The following RIC8A variants were observed in gnomAD, a reference collection of about 807,000 sequenced individuals.
The protein encoded by RIC8A is chaperone Ric-8A.
Under a neutral mutation model 48.4 loss-of-function variants are expected in RIC8A, and 37 were observed. The observed-to-expected ratio is 0.77, with a 90% CI of 0.59 to 1.01. The LOEUF (loss-of-function observed/expected upper bound fraction) is 1.01, where lower values mean the gene tolerates loss of function less well. Among genes scored for constraint, RIC8A ranks in the 50% least tolerant of loss-of-function variants. RIC8A has a pLI of 0.00. For missense variants in RIC8A, 681 were observed against 696.8 expected, an observed-to-expected ratio of 0.98 and a Z score of 0.25; for synonymous variants, 288 against 283.4, an observed-to-expected ratio of 1.02 and a Z score of -0.16.
At position 212,449 on chromosome 11, in the gene RIC8A, C is replaced by T. The variant is rs201893561; in HGVS notation, c.1003C>T (p.Leu335=). 33 of 1,613,986 alleles carry T rather than the reference C, an allele frequency of 2.0e-5. No individual in the cohort carries two copies. In the East Asian group the frequency reaches 7.1e-4, roughly 35 times the overall value. ...HRLKESVAPV[L]SVLTECARMH... ...GCTGAAGGAGAGTGTAGCTCCCGTG[C>T]TGAGCGTGCTGACTGAATGTGCCCG... The change falls in exon 6 of 10, where the codon CTG becomes TTG. Residue 335 remains leucine (L), a synonymous_variant. Transcript: ENST00000526104.
At chr11:213,549 T>A in intron 9 of RIC8A, 131 bp downstream of exon 9, 5 of 1,268,138 alleles carry the variant, frequency 3.9e-6, no homozygotes, top group Non-Finnish European at 5.4e-6. Context: ...ATTGCTCACG[T>A]TTGAAATCAC....
Position 212,893 on chromosome 11 carries a change from A to T in RIC8A, c.1267A>T (p.Arg423Trp). ...GAATGCTGCTGGCCTTCTGGCTGCC[A>T]GGGGCCTCATGGCAGGAGGCCGGCC... ...YGNAAGLLAA[R>W]GLMAGGRPEG... Residue 423 changes from arginine to tryptophan, a missense_variant, in exon 8 of 10, where the codon AGG becomes TGG. Transcript: ENST00000526104. 6.2e-7 allele frequency: 1 copy of T among 1,606,822 alleles called. No homozygotes were observed.
At chr11:214,105 C>G (rs1395954597) in intron 9 of RIC8A, 125 bp from the exon 10 acceptor site, 1 of 1,148,836 alleles carries the variant, frequency 8.7e-7, no homozygotes, top group Non-Finnish European at 1.2e-6. Flanking sequence ...AAGGTCCAAC[C>G]AGGCTTCCCC....
Position 212,990 on chromosome 11 carries a change from C to A in RIC8A, c.1355+9C>A. ...AAGGAAGCCAAAGCCAGGTGTGTAC[C>A]CCCAACACACCCTCGGGTCTCCACT... On this transcript the variant is annotated intron_variant, in intron 8 of 9. Transcript: ENST00000526104. 1.3e-6 allele frequency: 2 copies of A among 1,539,164 alleles called. No homozygotes were observed. Among genetic ancestry groups the A allele is most frequent in the South Asian group, 1.3e-5 (1 of 77,826 alleles).
chr11:208,831 C>T lies in RIC8A; in HGVS notation c.-24C>T, dbSNP rs956286889. The T allele has an allele frequency of 1.3e-6, 2 of 1,594,876 alleles. No individual in the cohort carries two copies. Among genetic ancestry groups the T allele is most frequent in the Admixed American group, 1.7e-5 (1 of 58,446 alleles). On this transcript the variant is annotated 5_prime_UTR_variant, in exon 1 of 10. Coordinates refer to ENST00000526104, the MANE Select transcript of RIC8A (RefSeq NM_001286134.2). The surrounding 1 kb of genome is among the most constrained non-coding windows in gnomAD (Gnocchi z 4.8). ...CGGCCCGGAACGGCTGAGGAAGGGCCCGTCCCGCCTTCCCCGGCGCGCCAT... is the reference window on the plus strand; with the variant it reads ...CGGCCCGGAACGGCTGAGGAAGGGCTCGTCCCGCCTTCCCCGGCGCGCCAT...
At chr11:209,057 C>A in intron 1 of RIC8A, 119 bp downstream of exon 1, 1 of 1,015,220 alleles carries the variant, frequency 9.9e-7, no homozygotes, top group Non-Finnish European at 1.5e-6. Context: ...GGGGACGCGG[C>A]GGGGTGCGGG....
At position 211,582 on chromosome 11, in the gene RIC8A, A is replaced by C; in HGVS notation, c.969+233A>C. 1 of 457,378 alleles carries C rather than the reference A, an allele frequency of 2.2e-6. No individual in the cohort carries two copies. Among genetic ancestry groups the C allele is most frequent in the Non-Finnish European group, 3.9e-6 (1 of 256,364 alleles). The allele number at this position is 457,378 out of a possible 1,614,324, so 28.3% of individuals were successfully genotyped here. On this transcript the variant is annotated intron_variant, in intron 5 of 9. Transcript: ENST00000526104. This position sits in a 1 kb window ranked among gnomAD's most constrained non-coding sequence, Gnocchi z 4.0. ...CACACTTGAAGGTTTCACTTCTTAA[A>C]TCTTTGGGGATCTTTACTGAGTGGT...
At position 214,322 on chromosome 11, in the gene RIC8A, CCTCGGACCCTGA is replaced by C. The variant is rs764530652; in HGVS notation, c.1583_1594del (p.Ser528_Asp531del). On this transcript the variant is annotated inframe_deletion, in exon 10 of 10. Coordinates refer to ENST00000526104, the MANE Select transcript of RIC8A (RefSeq NM_001286134.2). ...TGCGAGACTATGGAGCAGCAGCTCT[CCTCGGACCCTGA>C]CTCGGACCCTGACTGAGGATGGCAG... The C allele has an allele frequency of 3.4e-4, 553 of 1,610,164 alleles. 1 individual carries two copies. Among genetic ancestry groups the C allele is most frequent in the Middle Eastern group, 1.8e-3 (11 of 6,058 alleles).
chr11:208,811 C>T lies in RIC8A; in HGVS notation c.-44C>T, dbSNP rs1309139606. 19 of 1,547,920 alleles carry T rather than the reference C, an allele frequency of 1.2e-5. No homozygotes were observed. Among genetic ancestry groups the T allele is most frequent in the Non-Finnish European group, 1.6e-5 (18 of 1,137,282 alleles). On this transcript the variant is annotated 5_prime_UTR_variant, in exon 1 of 10. Transcript: ENST00000526104. The surrounding 1 kb of genome is among the most constrained non-coding windows in gnomAD (Gnocchi z 4.8). The stretch of plus-strand genomic sequence containing the variant: ...AGGGCGGGGCCGGCGAACTGCGGCC[C>T]GGAACGGCTGAGGAAGGGCCCGTCC...
intron 3 of RIC8A, 133 bp downstream of exon 3, chr11:210,133 C>A: frequency 2.5e-6 from 2 of 795,862 alleles, no homozygotes; most frequent in Non-Finnish European, 3.9e-6. Flanking sequence ...CCTGTTGGGA[C>A]AAGGCCAAGG....
At chr11:209,174 G>A in intron 1 of RIC8A, 97 bp from the exon 2 acceptor site, 1 of 1,437,964 alleles carries the variant, frequency 7.0e-7, no homozygotes. Flanking sequence ...GTTCTGAGCA[G>A]TGGCTGCTGC....
chr11:214,076 G>A (rs915079647), intron 9 of RIC8A, 154 bp from the exon 10 acceptor site: 2 of 825,584 alleles, frequency 2.4e-6, no homozygotes, highest in Non-Finnish European at 3.7e-6. Context: ...AGCAGTTAGG[G>A]TTTGGGCCCA....
Position 211,160 on chromosome 11 carries a change from A to T in RIC8A, c.819-39A>T, listed in dbSNP as rs1210470570. ...ACAAAGATTGCACCTGTGCTCAGGGATTAGCCCTGTTGAAACCCCTACCTC... is the reference window on the plus strand; with the variant it reads ...ACAAAGATTGCACCTGTGCTCAGGGTTTAGCCCTGTTGAAACCCCTACCTC... On this transcript the variant is annotated intron_variant, in intron 4 of 9. Coordinates refer to ENST00000526104, the MANE Select transcript of RIC8A (RefSeq NM_001286134.2). The surrounding 1 kb of genome is among the most constrained non-coding windows in gnomAD (Gnocchi z 4.0). The T allele has an allele frequency of 1.9e-6, 3 of 1,590,942 alleles. No individual in the cohort carries two copies. Among genetic ancestry groups the T allele is most frequent in the Non-Finnish European group, 2.6e-6 (3 of 1,167,260 alleles).
Position 209,602 on chromosome 11 carries a change from G to A in RIC8A, c.328G>A (p.Asp110Asn), listed in dbSNP as rs371064171. 5 of 1,614,078 alleles carry A rather than the reference G, an allele frequency of 3.1e-6. No individual in the cohort carries two copies. In the South Asian group the frequency reaches 5.5e-5, roughly 18 times the overall value. Residue 110 changes from aspartate (D) to asparagine (N), a missense_variant, in exon 3 of 10, where the codon GAC (aspartate) becomes AAC (asparagine). Physicochemically the swap from Asp to Asn is conservative, Grantham distance 23 (BLOSUM62 1). Transcript: ENST00000526104. The part of the protein sequence containing the change: ...VSEGSVPESA[D>N]MDVVLESLKC... ...TGAGGGGTCCGTCCCAGAGTCCGCA[G>A]ACATGGATGTTGTACTGGAGTCCCT...
At position 208,742 on chromosome 11, in the gene RIC8A, C is replaced by G. The variant is rs949798556; in HGVS notation, c.-113C>G. On this transcript the variant is annotated 5_prime_UTR_variant, in exon 1 of 10. Transcript: ENST00000526104. The surrounding 1 kb of genome is among the most constrained non-coding windows in gnomAD (Gnocchi z 4.8). Reference sequence around the variant, plus strand: ...TTAAAGCGCCACCAGACGCCGCGCCCCGTCCCGGCCTCCCCCGCGCGCTGG... The same window carrying G: ...TTAAAGCGCCACCAGACGCCGCGCCGCGTCCCGGCCTCCCCCGCGCGCTGG... 7.0e-6 allele frequency: 5 copies of G among 716,722 alleles called. No individual in the cohort carries two copies. Among genetic ancestry groups the G allele is most frequent in the African/African-American group, 5.8e-5 (3 of 52,154 alleles). 44.4% of individuals were successfully genotyped at this position (716,722 alleles called of 1,614,324 possible). A position where few individuals can be genotyped will look rare whatever the true frequency, so the allele number is the denominator to read the frequency against.
intron 1 of RIC8A, 88 bp downstream of exon 1, chr11:209,026 G>T: frequency 8.0e-7 from 1 of 1,249,714 alleles, no homozygotes; most frequent in Non-Finnish European, 1.1e-6. Flanking sequence ...GGGTGAGGCA[G>T]AGGCTGTGTC....
At chr11:210,818 TTGGGGGCAGGAATG>T (rs1363500636) in intron 4 of RIC8A, 156 bp downstream of exon 4, 3 of 707,682 alleles carry the variant, frequency 4.2e-6, no homozygotes, top group Non-Finnish European at 7.3e-6. Context: ...AGCCATGAAT[TTGGGGGCAGGAATG>T]TGCCAACTGG....
rs1855395010 is a variant in RIC8A at position 212,752 on chromosome 11, T to C, written c.1203T>C (p.Ser401=). Residue 401 remains serine, a synonymous_variant, in exon 7 of 10, where the codon TCT becomes TCC. Coordinates refer to ENST00000526104, the MANE Select transcript of RIC8A (RefSeq NM_001286134.2). The part of the protein sequence containing the change: ...VAAEFLFVLC[S]ESVPRFIKYT... ...CCGAGTTCTTGTTTGTCCTGTGCTCTGAGAGTGGTGAGTTATGGAGACCCA... is the reference window on the plus strand; with the variant it reads ...CCGAGTTCTTGTTTGTCCTGTGCTCCGAGAGTGGTGAGTTATGGAGACCCA... 1 of 1,614,098 alleles carries C rather than the reference T, an allele frequency of 6.2e-7. No individual in the cohort carries two copies. The highest frequency in any genetic ancestry group is 8.5e-7 in the Non-Finnish European group (1 of 1,180,002).
chr11:212,379 C>T, intron 5 of RIC8A, 37 bp from the exon 6 acceptor site: 2 of 1,596,962 alleles, frequency 1.3e-6, no homozygotes, highest in Non-Finnish European at 1.7e-6. Flanking sequence ...ACAAGTTAGG[C>T]AGGGGCATAG....
Sources: gnomAD v4.1 joint callset for allele counts on GRCh38, gnomAD v4.1.1 for gene constraint, Gnocchi (gnomAD v3.1) non-coding constraint, MANE v1.5 for transcripts, NCBI Gene and HGNC (gene_info 2026-07-23, HGNC 2026-07-21) for gene names.